CADM2: variants seen among roughly 807,000 people sequenced by gnomAD.
The protein encoded by CADM2 is cell adhesion molecule 2.
In CADM2, 12 loss-of-function variants were observed where a neutral mutation model predicts 49.8. The ratio of observed to expected loss-of-function variants is 0.24; its 90% confidence interval spans 0.15 to 0.39. The LOEUF (loss-of-function observed/expected upper bound fraction) is 0.39. Among genes scored for constraint, CADM2 ranks in the 10% least tolerant of loss-of-function variants. The pLI is 1.00. For synonymous variants in CADM2, 214 were observed against 175.4 expected, an observed-to-expected ratio of 1.22 and a Z score of -1.74; for missense variants, 378 against 492.3, an observed-to-expected ratio of 0.77 and a Z score of 2.20.
At chr3:85,234,708 A>T (rs1373434749) in intron 1 of CADM2, among the ~76,000 whole-genome samples, 3 of 152,116 alleles carry the variant, frequency 2.0e-5, no homozygotes, top group Non-Finnish European at 4.4e-5. Flanking sequence ...CAGTTTTATT[A>T]TACAATGTAG....
intron 8 of CADM2, among the ~76,000 whole-genome samples, chr3:86,038,551 C>T (rs868432989): frequency 2.6e-4 from 40 of 152,196 alleles, no homozygotes; most frequent in African/African-American, 9.7e-4. Context: ...ATAGTTCCTG[C>T]ACCTACTTCC....
rs112541342 is a variant in CADM2, at chr3:85,734,385, C to T, written c.88+7837C>T. Among the ~76,000 whole-genome samples, 129 of 151,978 alleles carry T rather than the reference C, an allele frequency of 8.5e-4. 1 individual carries two copies. The highest frequency in any genetic ancestry group is 2.8e-3 in the African/African-American group (118 of 41,488). On this transcript the variant is annotated intron_variant, in intron 2 of 9. Transcript: ENST00000383699. ...GATATTTCCAAATGAGAACACATGG[C>T]ACTCTCAATGCAGGGAGACTGTATA...
intron 2 of CADM2, among the ~76,000 whole-genome samples, chr3:85,775,786 T>C (rs1030468544): frequency 2.0e-5 from 3 of 151,896 alleles, no homozygotes; most frequent in African/African-American, 7.2e-5. Flanking sequence ...CTCTCATTTA[T>C]GAGAAAACTA....
intron 1 of CADM2, among the ~76,000 whole-genome samples, chr3:85,015,502 G>T (rs1256135359): frequency 6.6e-6 from 1 of 152,072 alleles, no homozygotes; most frequent in Non-Finnish European, 1.5e-5. Flanking sequence ...ATTTTATATT[G>T]AATGCCCTTC....
At chr3:85,478,656 T>C (rs534740774) in intron 1 of CADM2, among the ~76,000 whole-genome samples, 62 of 152,088 alleles carry the variant, frequency 4.1e-4, no homozygotes, top group Middle Eastern at 3.4e-3. Context: ...ATGAGCCTTA[T>C]AATGTTTTAT....
At chr3:85,929,490 T>C (rs1720328718) in intron 6 of CADM2, among the ~76,000 whole-genome samples, 1 of 152,062 alleles carries the variant, frequency 6.6e-6, no homozygotes, top group South Asian at 2.1e-4. Flanking sequence ...ATTTACTTCA[T>C]TACTATTCAT....
chr3:85,881,656 C>A (rs953295012), intron 3 of CADM2, among the ~76,000 whole-genome samples: 2 of 152,102 alleles, frequency 1.3e-5, no homozygotes, highest in East Asian at 3.9e-4. Context: ...CTGGGGGCCA[C>A]ACTGATCTCT....
chr3:85,156,740 G>C (rs377057004), intron 1 of CADM2, among the ~76,000 whole-genome samples: 1 of 152,100 alleles, frequency 6.6e-6, no homozygotes, highest in Non-Finnish European at 1.5e-5. Flanking sequence ...TCATACTGAA[G>C]GGGCAAAAAC....
intron 1 of CADM2, among the ~76,000 whole-genome samples, chr3:85,625,536 C>G (rs1219147551): frequency 6.6e-6 from 1 of 151,186 alleles, no homozygotes; most frequent in African/African-American, 2.4e-5. Context: ...GAAAAAAGTA[C>G]TTATGCACTC....
In CADM2 at chr3:86,071,546, C is replaced by A. The variant is rs971826819; in HGVS notation, c.*4763C>A. The stretch of plus-strand genomic sequence containing the variant: ...GTAAGTTCTCTGCCATGCATACTTA[C>A]AATAATCCTTCTACCTCTCACTTTT... On this transcript the variant is annotated 3_prime_UTR_variant, in exon 10 of 10. Coordinates refer to ENST00000383699, the MANE Select transcript of CADM2 (RefSeq NM_001167675.2). 2 of 151,826 alleles carry A rather than the reference C, an allele frequency of 1.3e-5. No individual in the cohort carries two copies. Among genetic ancestry groups the A allele is most frequent in the Non-Finnish European group, 2.9e-5 (2 of 67,810 alleles). The allele number at this position is 151,826 out of a possible 1,614,324, so 9.4% of individuals were successfully genotyped here.
chr3:85,532,197 AAAAAT>A (rs922281019), intron 1 of CADM2, among the ~76,000 whole-genome samples: 12 of 139,996 alleles, frequency 8.6e-5, no homozygotes, highest in South Asian at 2.4e-4. Context: ...ATAATAATAA[AAAAAT>A]AAAAATAGTG....
chr3:85,295,609 C>A (rs1382367636), intron 1 of CADM2, among the ~76,000 whole-genome samples: 1 of 151,914 alleles, frequency 6.6e-6, no homozygotes, highest in African/African-American at 2.4e-5. Context: ...TACTATGCAG[C>A]CATAAAAATG....
chr3:85,678,073 T>C (rs1342470706), intron 1 of CADM2, among the ~76,000 whole-genome samples: 1 of 152,204 alleles, frequency 6.6e-6, no homozygotes, highest in Non-Finnish European at 1.5e-5. Context: ...TATAATACTA[T>C]GTTAAGCAAT....
intron 1 of CADM2, among the ~76,000 whole-genome samples, chr3:85,659,244 C>T (rs2065321204): frequency 6.6e-6 from 1 of 151,730 alleles, no homozygotes. Context: ...GTATTTTCCT[C>T]AACAAAGGTA....
chr3:85,248,967 A>T (rs2042714430), intron 1 of CADM2, among the ~76,000 whole-genome samples: 1 of 152,188 alleles, frequency 6.6e-6, no homozygotes, highest in South Asian at 2.1e-4. Flanking sequence ...AGCAGAAGAT[A>T]CAGTAGAATT....
At chr3:85,032,472 G>T (rs1413276655) in intron 1 of CADM2, among the ~76,000 whole-genome samples, 1 of 151,544 alleles carries the variant, frequency 6.6e-6, no homozygotes, top group Non-Finnish European at 1.5e-5. Context: ...TAAAATTATG[G>T]GTCTTATTTT....
chr3:85,855,452 T>C lies in CADM2; in HGVS notation c.239-27839T>C, dbSNP rs547843571. ...GGTTCTAATCCAGTGATATGTCATA[T>C]AGATTTTCAATCTTCCCTTTTTGAC... On this transcript the variant is annotated intron_variant, in intron 3 of 9. Transcript: ENST00000383699. Among the ~76,000 whole-genome samples, 22 of 151,962 alleles carry C rather than the reference T, an allele frequency of 1.4e-4. No homozygotes were observed. In the East Asian group the frequency reaches 4.1e-3, roughly 28 times the overall value.
intron 1 of CADM2, among the ~76,000 whole-genome samples, chr3:85,134,358 G>A (rs1447283602): frequency 6.6e-6 from 1 of 152,246 alleles, no homozygotes; most frequent in Non-Finnish European, 1.5e-5. Flanking sequence ...CAAAGTGGGA[G>A]CCCAGGCAGA....
chr3:85,267,847 A>T (rs912318343), intron 1 of CADM2, among the ~76,000 whole-genome samples: 9 of 151,644 alleles, frequency 5.9e-5, no homozygotes, highest in African/African-American at 1.9e-4. Flanking sequence ...GAATACATTT[A>T]TCTTATAATT....
Sources: allele counts gnomAD v4.1 joint callset (sites outside exome capture counted in the v4.1 genomes callset), GRCh38; gene constraint gnomAD v4.1.1; transcripts MANE v1.5; gene names NCBI Gene and HGNC (gene_info 2026-07-23, HGNC 2026-07-21).